Variants in SGCZ observed in about 807,000 individuals in gnomAD.
SGCZ encodes sarcoglycan zeta, also known as zeta-sarcoglycan.
Under a neutral mutation model 41.3 loss-of-function variants are expected in SGCZ, and 40 were observed. The observed-to-expected ratio is 0.97, with a 90% confidence interval of 0.75 to 1.26. SGCZ has a LOEUF of 1.26. Ranked by LOEUF, SGCZ falls within the 50% of genes most tolerant of loss-of-function variation. SGCZ has a pLI of 0.00. For missense variants in SGCZ, 552 were observed against 369.8 expected (o/e 1.49, Z -4.04); for synonymous variants, 206 against 137.5 (o/e 1.50, Z -3.49).
intron 1 of SGCZ, among the ~76,000 whole-genome samples, chr8:14,651,612 A>C (rs1807401369): frequency 6.6e-6 from 1 of 152,110 alleles, no homozygotes; most frequent in Non-Finnish European, 1.5e-5. Flanking sequence ...TTTTCAATAA[A>C]TTAACACAAC....
chr8:14,174,998 A>T (rs13282109), intron 4 of SGCZ, among the ~76,000 whole-genome samples: 55,111 of 152,064 alleles, frequency 0.36, 12,891 homozygotes, highest in Non-Finnish European at 0.53. Flanking sequence ...ATCTCATTTT[A>T]ACTTGGATAT....
chr8:14,578,490 A>G (rs1804786030), intron 1 of SGCZ, among the ~76,000 whole-genome samples: 1 of 152,184 alleles, frequency 6.6e-6, no homozygotes, highest in African/African-American at 2.4e-5. Flanking sequence ...ATAACATATC[A>G]GAGTTATTTT....
intron 1 of SGCZ, among the ~76,000 whole-genome samples, chr8:14,685,760 C>G (rs958582953): frequency 6.6e-6 from 1 of 152,050 alleles, no homozygotes; most frequent in African/African-American, 2.4e-5. Context: ...ACAGGAAAGT[C>G]TATTTAAATA....
chr8:14,926,315 C>G (rs1337391352), intron 1 of SGCZ, among the ~76,000 whole-genome samples: 1 of 152,062 alleles, frequency 6.6e-6, no homozygotes. Flanking sequence ...TTCATTTGCA[C>G]AAATTGTTAT....
intron 1 of SGCZ, among the ~76,000 whole-genome samples, chr8:14,934,852 C>G (rs1800034285): frequency 6.6e-6 from 1 of 151,010 alleles, no homozygotes; most frequent in African/African-American, 2.4e-5. Flanking sequence ...AAAGAAACAA[C>G]AGCTAGACAG....
intron 1 of SGCZ, among the ~76,000 whole-genome samples, chr8:14,586,941 C>T (rs1257093753): frequency 1.3e-5 from 2 of 151,770 alleles, no homozygotes; most frequent in East Asian, 3.9e-4. Flanking sequence ...TATACAAGGT[C>T]ATGTCATCAT....
intron 2 of SGCZ, among the ~76,000 whole-genome samples, chr8:14,488,553 C>G (rs73190212): frequency 0.017 from 2,626 of 152,142 alleles, 41 homozygotes; most frequent in East Asian, 0.083. Context: ...ATGGAAATGC[C>G]TCTCAAGGAT....
intron 1 of SGCZ, among the ~76,000 whole-genome samples, chr8:15,057,152 G>C (rs950567783): frequency 6.6e-6 from 1 of 152,284 alleles, no homozygotes; most frequent in Non-Finnish European, 1.5e-5. Flanking sequence ...GCACTTTCAG[G>C]GGAAGAACAT....
chr8:14,259,379 C>T (rs1294287306), intron 3 of SGCZ, among the ~76,000 whole-genome samples: 3 of 151,522 alleles, frequency 2.0e-5, no homozygotes, highest in East Asian at 3.9e-4. Flanking sequence ...ACATGAAGTC[C>T]TTGCCCATGC....
At chr8:15,031,310 C>T (rs960965721) in intron 1 of SGCZ, among the ~76,000 whole-genome samples, 14 of 152,066 alleles carry the variant, frequency 9.2e-5, no homozygotes, top group East Asian at 1.9e-4. Context: ...CCTCATGCCT[C>T]GCCCAGGCCT....
chr8:14,411,282 C>G (rs1403867718), intron 2 of SGCZ, among the ~76,000 whole-genome samples: 2 of 151,894 alleles, frequency 1.3e-5, no homozygotes, highest in Non-Finnish European at 1.5e-5. Context: ...GTGCTCTTAA[C>G]AAAAACAAAA....
At position 14,975,909 on chromosome 8, in the gene SGCZ, C is replaced by T. The variant is rs62495380; in HGVS notation, c.39+261676G>A. Among the ~76,000 whole-genome samples the T allele has an allele frequency of 1.8e-4, 26 of 148,014 alleles. No homozygotes were observed. The Admixed American group carries it at 1.8e-3, about 10-fold the overall frequency. On this transcript the variant is annotated intron_variant, in intron 1 of 7. Transcript: ENST00000382080. ...ACACACACACACATATATATACACA[C>T]ACATATCTAAACATTGTTTATATTT... is the stretch of plus-strand genomic sequence containing the variant.
chr8:14,540,872 C>T (rs1032668506), intron 2 of SGCZ, among the ~76,000 whole-genome samples: 1 of 151,544 alleles, frequency 6.6e-6, no homozygotes, highest in African/African-American at 2.4e-5. Flanking sequence ...TATTCATGAA[C>T]AAAGAAATAT....
intron 2 of SGCZ, among the ~76,000 whole-genome samples, chr8:14,518,227 A>T (rs980271612): frequency 3.9e-5 from 6 of 152,028 alleles, no homozygotes; most frequent in Middle Eastern, 3.2e-3. Context: ...ATTAATATAA[A>T]GCTTGCTATT....
At chr8:14,684,885 G>A (rs1189685797) in intron 1 of SGCZ, among the ~76,000 whole-genome samples, 1 of 152,116 alleles carries the variant, frequency 6.6e-6, no homozygotes, top group East Asian at 1.9e-4. Flanking sequence ...AGGGAGGTCT[G>A]TTATCTGTGC....
intron 2 of SGCZ, among the ~76,000 whole-genome samples, chr8:14,486,956 G>A (rs1389338915): frequency 6.6e-6 from 1 of 152,176 alleles, no homozygotes; most frequent in Non-Finnish European, 1.5e-5. Context: ...AGCATGGAAT[G>A]AAGCAGTTTC....
At chr8:14,344,787 T>C (rs1284317260) in intron 2 of SGCZ, among the ~76,000 whole-genome samples, 1 of 152,068 alleles carries the variant, frequency 6.6e-6, no homozygotes, top group African/African-American at 2.4e-5. Context: ...AATGAAAATA[T>C]AAACCACGAT....
chr8:14,948,688 T>A (rs1446220456), intron 1 of SGCZ, among the ~76,000 whole-genome samples: 1 of 152,160 alleles, frequency 6.6e-6, no homozygotes, highest in Non-Finnish European at 1.5e-5. Context: ...TGTGAATACC[T>A]CAAGCCTAAT....
At chr8:14,459,928 A>T (rs1054017767) in intron 2 of SGCZ, among the ~76,000 whole-genome samples, 23 of 152,120 alleles carry the variant, frequency 1.5e-4, no homozygotes, top group African/African-American at 5.3e-4. Context: ...GACAAGAAAA[A>T]ACTGGAGATT....
Sources: allele counts gnomAD v4.1 joint callset (sites outside exome capture counted in the v4.1 genomes callset), GRCh38; gene constraint gnomAD v4.1.1; transcripts MANE v1.5; gene names NCBI Gene and HGNC (gene_info 2026-07-23, HGNC 2026-07-21).